RASSF8: variants seen among roughly 807,000 people sequenced by gnomAD.
RASSF8 encodes ras association domain-containing protein 8.
A neutral mutation model predicts 48.5 loss-of-function variants in RASSF8; 22 were observed. The observed-to-expected ratio is 0.45, with a 90% CI of 0.32 to 0.65. RASSF8 has a LOEUF of 0.65. RASSF8 is among the 30% of genes least tolerant of loss of function. RASSF8 has a pLI of 0.03. For missense variants in RASSF8, 418 were observed against 489.2 expected, an observed-to-expected ratio of 0.85 and a Z score of 1.37; for synonymous variants, 127 against 171.5, an observed-to-expected ratio of 0.74 and a Z score of 2.03.
chr12:26,025,322 C>G (rs1468681386), intron 2 of RASSF8, among the ~76,000 whole-genome samples: 2 of 151,930 alleles, frequency 1.3e-5, no homozygotes, highest in Non-Finnish European at 2.9e-5. Context: ...CTTTGGGAAG[C>G]CGAGGCGGGC....
chr12:26,056,117 A>G (rs566738310), intron 3 of RASSF8, among the ~76,000 whole-genome samples: 2 of 152,308 alleles, frequency 1.3e-5, no homozygotes, highest in African/African-American at 4.8e-5. Context: ...CCCAGGAGAC[A>G]GAGGTTGCAG....
chr12:25,976,377 C>T (rs1941605141), intron 1 of RASSF8, among the ~76,000 whole-genome samples: 1 of 152,148 alleles, frequency 6.6e-6, no homozygotes, highest in African/African-American at 2.4e-5. Flanking sequence ...AGAGTGGTTG[C>T]TGTCCACACC....
At chr12:25,998,460 C>T (rs1942182606) in intron 2 of RASSF8, among the ~76,000 whole-genome samples, 1 of 151,640 alleles carries the variant, frequency 6.6e-6, no homozygotes. Flanking sequence ...AGCGATTTTC[C>T]TGCCTCAGCC....
Position 26,070,997 on chromosome 12 carries a change from G to A in RASSF8, c.*2179G>A. ...GCAGAGTATCACAGTTAACCTCTCT[G>A]ACAACTTCATCAGAATTTCCAAGCT... On this transcript the variant is annotated 3_prime_UTR_variant, in exon 6 of 6. Coordinates refer to ENST00000689635, the MANE Select transcript of RASSF8 (RefSeq NM_001394098.1). 1.0e-6 allele frequency: 1 copy of A among 985,130 alleles called. No individual in the cohort carries two copies. The highest frequency in any genetic ancestry group is 1.2e-6 in the Non-Finnish European group (1 of 829,724). 61.0% of individuals were successfully genotyped at this position (985,130 alleles called of 1,614,324 possible).
chr12:25,992,689 G>A (rs1942042029), intron 1 of RASSF8, among the ~76,000 whole-genome samples: 1 of 152,188 alleles, frequency 6.6e-6, no homozygotes, highest in Non-Finnish European at 1.5e-5. Context: ...GGTGGCTTCA[G>A]GGGAGGCACT....
At chr12:26,042,836 T>C (rs1189838611) in intron 2 of RASSF8, among the ~76,000 whole-genome samples, 2 of 152,182 alleles carry the variant, frequency 1.3e-5, no homozygotes, top group African/African-American at 4.8e-5. Flanking sequence ...CAGTGTGATA[T>C]CATATTCACA....
chr12:26,079,171 A>T (rs914083685), exon 6 of RASSF8: 9 of 807,214 alleles, frequency 1.1e-5, no homozygotes, highest in Admixed American at 5.9e-5. Flanking sequence ...GATCACCAAA[A>T]TGAAAAGGTG....
chr12:26,054,461 T>A (rs993206549), intron 2 of RASSF8, among the ~76,000 whole-genome samples: 4 of 152,188 alleles, frequency 2.6e-5, no homozygotes, highest in African/African-American at 9.7e-5. Flanking sequence ...TTAAGAAAAC[T>A]ATCAAACCCA....
At chr12:26,037,823 C>T (rs533577585) in intron 2 of RASSF8, among the ~76,000 whole-genome samples, 2 of 152,144 alleles carry the variant, frequency 1.3e-5, no homozygotes, top group African/African-American at 4.8e-5. Flanking sequence ...AAGAGCTTCC[C>T]CTAAAGGGTC....
At chr12:26,036,620 A>G (rs1392675677) in intron 2 of RASSF8, among the ~76,000 whole-genome samples, 1 of 152,110 alleles carries the variant, frequency 6.6e-6, no homozygotes, top group Non-Finnish European at 1.5e-5. Flanking sequence ...TAAAAAGTGT[A>G]TGTCTGGTCG....
chr12:25,975,988 T>G (rs1322712993), intron 1 of RASSF8, among the ~76,000 whole-genome samples: 3 of 152,148 alleles, frequency 2.0e-5, no homozygotes, highest in Admixed American at 2.0e-4. Flanking sequence ...ATAATGTGAT[T>G]GGAACCAGGT....
chr12:26,019,577 G>C (rs1233841957), intron 2 of RASSF8, among the ~76,000 whole-genome samples: 1 of 119,668 alleles, frequency 8.4e-6, no homozygotes, highest in African/African-American at 3.5e-5. Context: ...GTGTGTGTGT[G>C]TGTGTGTGTG....
chr12:26,047,583 T>C (rs887372217), intron 2 of RASSF8, among the ~76,000 whole-genome samples: 3 of 152,234 alleles, frequency 2.0e-5, no homozygotes, highest in African/African-American at 7.2e-5. Flanking sequence ...CTCAGCCTTC[T>C]ATGTTCAGTG....
At chr12:26,028,914 C>CT (rs1258025359) in intron 2 of RASSF8, among the ~76,000 whole-genome samples, 5 of 152,012 alleles carry the variant, frequency 3.3e-5, no homozygotes, top group Non-Finnish European at 5.9e-5. Flanking sequence ...GGCTAATTTG[C>CT]TTTTTTAAAA....
At chr12:25,986,823 C>T (rs1405059570) in intron 1 of RASSF8, among the ~76,000 whole-genome samples, 3 of 152,158 alleles carry the variant, frequency 2.0e-5, no homozygotes, top group South Asian at 2.1e-4. Context: ...AATTTCCTTT[C>T]GTTATCCACT....
At chr12:26,024,246 C>T (rs1942854013) in intron 2 of RASSF8, among the ~76,000 whole-genome samples, 1 of 152,064 alleles carries the variant, frequency 6.6e-6, no homozygotes, top group Non-Finnish European at 1.5e-5. Context: ...AGCAATCTTC[C>T]CACCCCAGCC....
downstream of RASSF8, among the ~76,000 whole-genome samples, chr12:26,073,800 A>ATG (rs1267701931): frequency 0.062 from 8,451 of 136,570 alleles, 424 homozygotes; most frequent in African/African-American, 0.13. Context: ...CATTATGTAT[A>ATG]CACACACATA....
Position 26,072,559 on chromosome 12 carries a change from ATTT to A in RASSF8, c.*3742_*3744del. ...GGGGAGGGGAAAGATTAAAAAATAGATTTACAGCCAGACATGGTGATAGCCCTA... is the reference window on the plus strand; with the variant it reads ...GGGGAGGGGAAAGATTAAAAAATAGAACAGCCAGACATGGTGATAGCCCTA... On this transcript the variant is annotated 3_prime_UTR_variant, in exon 6 of 6. Coordinates refer to ENST00000689635, the MANE Select transcript of RASSF8 (RefSeq NM_001394098.1). 1 of 985,096 alleles carries A rather than the reference ATTT, an allele frequency of 1.0e-6. No homozygotes were observed. Among genetic ancestry groups the A allele is most frequent in the Non-Finnish European group, 1.2e-6 (1 of 829,658 alleles). 61.0% of individuals were successfully genotyped at this position (985,096 alleles called of 1,614,324 possible). A position where few individuals can be genotyped will look rare whatever the true frequency, so the allele number is the denominator to read the frequency against.
Position 26,064,524 on chromosome 12 carries a change from G to C in RASSF8, c.130G>C (p.Glu44Gln), listed in dbSNP as rs765644592. 1 of 1,595,748 alleles carries C rather than the reference G, an allele frequency of 6.3e-7. No homozygotes were observed. Among genetic ancestry groups the C allele is most frequent in the East Asian group, 2.2e-5 (1 of 44,608 alleles). ...IGRTGRYTLI[E>Q]KWRDTERHLA... is the part of the protein sequence containing the mutation. ...TCGAACTGGAAGGTACACCCTTATA[G>C]AGAAATGGAGAGATACTGAAAGACA... Residue 44 changes from glutamate (E) to glutamine (Q), a missense_variant, in exon 4 of 6, where the codon GAG becomes CAG. Transcript: ENST00000689635.
Sources: gnomAD v4.1 joint callset for allele counts (sites outside exome capture counted in the v4.1 genomes callset) on GRCh38, gnomAD v4.1.1 for gene constraint, MANE v1.5 for transcripts, NCBI Gene and HGNC (gene_info 2026-07-23, HGNC 2026-07-21) for gene names.